The following FOXO1 variants were observed in gnomAD, a reference collection of about 807,000 sequenced individuals.
FOXO1 encodes the protein forkhead box O1.
In FOXO1, 6 loss-of-function variants were observed where a neutral mutation model predicts 44.1. That is an observed-to-expected ratio of 0.14 (90% CI 0.07 to 0.27). FOXO1 has a LOEUF of 0.27. Ranked by LOEUF, FOXO1 falls within the 10% of genes least tolerant of loss-of-function variation. The probability of loss-of-function intolerance (pLI) is 1.00; values close to 1 mark genes in which losing one functional copy is unlikely to be tolerated. For missense variants in FOXO1, 737 were observed against 888.8 expected, an observed-to-expected ratio of 0.83 and a Z score of 2.17; for synonymous variants, 380 against 362.7, an observed-to-expected ratio of 1.05 and a Z score of -0.54.
At chr13:40,640,837 G>T (rs187156541) in intron 1 of FOXO1, among the ~76,000 whole-genome samples, 1 of 152,148 alleles carries the variant, frequency 6.6e-6, no homozygotes, top group African/African-American at 2.4e-5. Flanking sequence ...AGGCTGGAGT[G>T]CAATGGCACA....
At position 40,558,710 on chromosome 13, in the gene FOXO1, C is replaced by G. The variant is rs1366792896; in HGVS notation, c.*339G>C. 1.3e-5 allele frequency: 5 copies of G among 397,750 alleles called. No homozygotes were observed. The highest frequency in any genetic ancestry group is 2.2e-5 in the Non-Finnish European group (5 of 225,696). The allele number at this position is 397,750 out of a possible 1,614,324, so 24.6% of individuals were successfully genotyped here. On this transcript the variant is annotated 3_prime_UTR_variant, in exon 3 of 3. Coordinates refer to ENST00000379561, the MANE Select transcript of FOXO1 (RefSeq NM_002015.4). ...ACACAAATACAATCTGTATCTACTG[C>G]TTATATACAAAACTTGAAAGCACAC...
chr13:40,657,173 G>C (rs985203836), intron 1 of FOXO1, among the ~76,000 whole-genome samples: 2 of 152,116 alleles, frequency 1.3e-5, no homozygotes, highest in African/African-American at 4.8e-5. Flanking sequence ...TGGACAGAAA[G>C]ATGTGCATTT....
At chr13:40,567,804 C>G (rs565823131) in intron 1 of FOXO1, among the ~76,000 whole-genome samples, 42 of 151,984 alleles carry the variant, frequency 2.8e-4, no homozygotes, top group Non-Finnish European at 4.4e-4. Flanking sequence ...CCCATCTCTA[C>G]TAAAGATACA....
rs12429037 is a variant in FOXO1, at chr13:40,665,721, G to A, written c.492C>T (p.Ser164=). Residue 164 remains serine, a synonymous_variant, in exon 1 of 3, where the codon TCC becomes TCT. Transcript: ENST00000379561. The part of the protein sequence containing the change: ...SSRRNAWGNL[S]YADLITKAIE... ...TGGCCTTGGTGATGAGGTCGGCGTA[G>A]GACAGGTTGCCCCACGCGTTGCGGC... The A allele has an allele frequency of 1.3e-6, 2 of 1,487,418 alleles. No individual in the cohort carries two copies. Among genetic ancestry groups the A allele is most frequent in the Non-Finnish European group, 9.0e-7 (1 of 1,108,090 alleles). The allele number at this position is 1,487,418 out of a possible 1,614,324, so 92.1% of individuals were successfully genotyped here. A position where few individuals can be genotyped will look rare whatever the true frequency, so the allele number is the denominator to read the frequency against.
intron 1 of FOXO1, among the ~76,000 whole-genome samples, chr13:40,635,410 G>C (rs1410280307): frequency 6.6e-6 from 1 of 152,140 alleles, no homozygotes; most frequent in East Asian, 1.9e-4. Flanking sequence ...ACCCACGAAG[G>C]TTAAGGACTT....
rs1873901660 is a variant in FOXO1 at position 40,559,708 on chromosome 13, G to C, written c.1783C>G (p.Gln595Glu). Residue 595 changes from glutamine (Q) to glutamate (E), a missense_variant, in exon 2 of 3, where the codon CAG becomes GAG. This residue lies in a region of FOXO1 where 283 missense variants were observed against 278.1 expected (regional missense o/e 1.02). Transcript: ENST00000379561. ...TCCAAGTCACTTGGGAGCTTCTCCT[G>C]GTGGAGAAGGCCCATTCTGCCATAG... ...NGYGRMGLLH[Q>E]EKLPSDLDGM... is the part of the protein sequence containing the mutation. 3.7e-6 allele frequency: 6 copies of C among 1,613,924 alleles called. No homozygotes were observed. Among genetic ancestry groups the C allele is most frequent in the Non-Finnish European group, 5.1e-6 (6 of 1,179,806 alleles).
intron 1 of FOXO1, among the ~76,000 whole-genome samples, chr13:40,644,411 G>C (rs547167629): frequency 2.6e-5 from 4 of 152,110 alleles, no homozygotes; most frequent in Admixed American, 1.3e-4. Context: ...CTAACAGAAA[G>C]GAAAAATTTA....
intron 1 of FOXO1, among the ~76,000 whole-genome samples, chr13:40,583,377 A>C (rs571706877): frequency 1.6e-4 from 24 of 152,332 alleles, no homozygotes; most frequent in Admixed American, 1.2e-3. Flanking sequence ...TAATAAGAGA[A>C]TCACAACCTG....
intron 1 of FOXO1, among the ~76,000 whole-genome samples, chr13:40,605,167 C>T (rs1382055419): frequency 3.3e-5 from 5 of 151,860 alleles, no homozygotes; most frequent in African/African-American, 4.8e-5. Context: ...TTTTTAGTCA[C>T]CAAAACCACA....
intron 1 of FOXO1, among the ~76,000 whole-genome samples, chr13:40,592,692 C>T (rs1875429060): frequency 6.6e-6 from 1 of 152,214 alleles, no homozygotes; most frequent in Admixed American, 6.5e-5. Flanking sequence ...AGTCAGGAAA[C>T]CAGACTTTTA....
chr13:40,597,313 C>T (rs535691959), intron 1 of FOXO1, among the ~76,000 whole-genome samples: 15 of 152,290 alleles, frequency 9.8e-5, no homozygotes, highest in African/African-American at 3.6e-4. Flanking sequence ...GAGATGAGTT[C>T]CTGGTCACCC....
At chr13:40,565,431 A>C (rs1222458457) in intron 1 of FOXO1, among the ~76,000 whole-genome samples, 2 of 152,060 alleles carry the variant, frequency 1.3e-5, no homozygotes, top group East Asian at 3.9e-4. Flanking sequence ...TCTCAGCCCA[A>C]CTGGCCCCTC....
Position 40,559,634 on chromosome 13 carries a change from C to T in FOXO1, c.1857G>A (p.Arg619=), listed in dbSNP as rs781689181. 3 of 1,614,220 alleles carry T rather than the reference C, an allele frequency of 1.9e-6. No homozygotes were observed. Among genetic ancestry groups the T allele is most frequent in the South Asian group, 1.1e-5 (1 of 91,088 alleles). The part of the protein sequence containing the change: ...RLDCDMESII[R]NDLMDGDTLD... ...ATGTATCTCCATCCATGAGGTCATT[C>T]CGAATGATGGATTCCATGTCACAGT... Residue 619 remains arginine (R), a synonymous_variant, in exon 2 of 3, where the codon CGG becomes CGA. Coordinates refer to ENST00000379561, the MANE Select transcript of FOXO1 (RefSeq NM_002015.4).
intron 1 of FOXO1, among the ~76,000 whole-genome samples, chr13:40,605,610 C>T (rs888648306): frequency 2.6e-5 from 4 of 152,142 alleles, no homozygotes; most frequent in Non-Finnish European, 5.9e-5. Context: ...AAAAATACAG[C>T]CTCAGCCTGT....
chr13:40,562,558 G>A (rs1400152120), intron 1 of FOXO1: 6 of 152,226 alleles, frequency 3.9e-5, no homozygotes, highest in Non-Finnish European at 7.3e-5. Context: ...TGCCTGGCAT[G>A]TAAGCAGTCA....
chr13:40,567,436 G>T (rs1041943404), intron 1 of FOXO1, among the ~76,000 whole-genome samples: 2 of 151,962 alleles, frequency 1.3e-5, no homozygotes, highest in Non-Finnish European at 2.9e-5. Context: ...TTTAGAAATG[G>T]AAAAGGAAAA....
At chr13:40,611,810 G>A (rs879390525) in intron 1 of FOXO1, among the ~76,000 whole-genome samples, 37 of 152,146 alleles carry the variant, frequency 2.4e-4, no homozygotes, top group African/African-American at 8.2e-4. Context: ...AGTGGCTCAC[G>A]CCTGTAAATC....
intron 1 of FOXO1, among the ~76,000 whole-genome samples, chr13:40,635,947 A>C (rs1226535341): frequency 2.0e-5 from 3 of 152,168 alleles, no homozygotes; most frequent in Non-Finnish European, 2.9e-5. Context: ...ACTGTGGCTC[A>C]CCCTGTAATC....
chr13:40,577,519 C>T (rs1874804611), intron 1 of FOXO1, among the ~76,000 whole-genome samples: 1 of 152,114 alleles, frequency 6.6e-6, no homozygotes, highest in South Asian at 2.1e-4. Flanking sequence ...AATACTCTGT[C>T]CACTTTAGAA....
Sources: allele counts gnomAD v4.1 joint callset (sites outside exome capture counted in the v4.1 genomes callset), GRCh38; gene constraint gnomAD v4.1.1; regional missense constraint gnomAD v4.1.1; transcripts MANE v1.5; gene names NCBI Gene and HGNC (gene_info 2026-07-23, HGNC 2026-07-21).